Variants in GRIP2 observed in about 807,000 individuals in gnomAD.
GRIP2 encodes the protein glutamate receptor-interacting protein 2.
GRIP2 carries 58 observed loss-of-function variants against 108.3 expected under a neutral mutation model. That is an observed-to-expected ratio of 0.54 (90% CI 0.43 to 0.67). The LOEUF (loss-of-function observed/expected upper bound fraction) is 0.67. Ranked by LOEUF, GRIP2 falls within the 30% of genes least tolerant of loss-of-function variation. GRIP2 has a pLI of 0.00. For synonymous variants in GRIP2, 586 were observed against 598.2 expected (o/e 0.98, Z 0.30); for missense variants, 1,278 against 1,430.6 (o/e 0.89, Z 1.72).
chr3:14,495,640 C>T (rs902450422), intron 22 of GRIP2, among the ~76,000 whole-genome samples: 4 of 152,038 alleles, frequency 2.6e-5, no homozygotes, highest in Admixed American at 6.6e-5. Flanking sequence ...CTCTTGACCT[C>T]GTGATCCACC....
At chr3:14,574,372 C>G in the GRIP2 span, 1 of 928,790 alleles carries the variant, frequency 1.1e-6, no homozygotes. Context: ...CGCCGCGGCC[C>G]CGCGGTGCTC....
At chr3:14,513,568 G>T (rs1694159583) in intron 13 of GRIP2, 97 bp downstream of exon 13, 1 of 1,430,434 alleles carries the variant, frequency 7.0e-7, no homozygotes, top group Non-Finnish European at 9.4e-7. Flanking sequence ...GGCACAGAGG[G>T]GGATGGGGTG....
At position 14,496,571 on chromosome 3, in the gene GRIP2, C is replaced by T; in HGVS notation, c.2680-11G>A. ...CGTCATGATGGATGCCTGCAAGGAACACGGCCTTTCTTTCAGATGCTTGTT... is the reference window on the plus strand; with the variant it reads ...CGTCATGATGGATGCCTGCAAGGAATACGGCCTTTCTTTCAGATGCTTGTT... On this transcript the variant is annotated splice_polypyrimidine_tract_variant and intron_variant, in intron 21 of 23. Coordinates refer to ENST00000621039, the MANE Select transcript of GRIP2 (RefSeq NM_001080423.4). 1.4e-5 allele frequency: 22 copies of T among 1,589,514 alleles called. No homozygotes were observed. The highest frequency in any genetic ancestry group is 1.6e-5 in the Non-Finnish European group (19 of 1,163,084).
At chr3:14,573,644 G>T in the GRIP2 span, 2 of 1,501,608 alleles carry the variant, frequency 1.3e-6, no homozygotes, top group Non-Finnish European at 1.8e-6. Flanking sequence ...TGATGACACA[G>T]TCCATGTGGG....
At chr3:14,531,392 C>T (rs545755125) in intron 1 of GRIP2, among the ~76,000 whole-genome samples, 10 of 152,338 alleles carry the variant, frequency 6.6e-5, no homozygotes, top group Admixed American at 3.9e-4. Flanking sequence ...GAGTTTGAAG[C>T]TGGAAGCTTG....
At chr3:14,574,848 G>T in the GRIP2 span, 4 of 313,370 alleles carry the variant, frequency 1.3e-5, no homozygotes, top group African/African-American at 2.2e-5. Flanking sequence ...ACAACAAAAC[G>T]GATGAATATC....
chr3:14,506,938 C>T lies in GRIP2; in HGVS notation c.2261G>A (p.Ser754Asn). The T allele has an allele frequency of 6.2e-7, 1 of 1,608,018 alleles. No individual in the cohort carries two copies. The highest frequency in any genetic ancestry group is 8.5e-7 in the Non-Finnish European group (1 of 1,177,290). The change falls in exon 19 of 24, where the codon AGT becomes AAT. Residue 754 changes from serine (S) to asparagine (N), a missense_variant. Coordinates refer to ENST00000621039, the MANE Select transcript of GRIP2 (RefSeq NM_001080423.4). Reference protein sequence around the residue: ...PRKSGSLSETSDADEDPADAL... With the variant: ...PRKSGSLSETNDADEDPADAL... ...ATCTGCTGGGTCCTCATCAGCATCA[C>T]TGGTCTCACTGAGGCTGCCCGACTT...
chr3:14,583,885 G>T, the GRIP2 span, among the ~76,000 whole-genome samples: 5 of 152,090 alleles, frequency 3.3e-5, no homozygotes, highest in African/African-American at 1.2e-4. Context: ...GGCCACACCA[G>T]CAAAGCCCAA....
At chr3:14,520,608 T>C in intron 7 of GRIP2, 71 bp from the exon 8 acceptor site, 1 of 1,530,802 alleles carries the variant, frequency 6.5e-7, no homozygotes, top group Non-Finnish European at 9.0e-7. Flanking sequence ...CACCCTGCTA[T>C]CCTGATTTAA....
At chr3:14,517,240 G>A in intron 10 of GRIP2, 27 bp from the exon 11 acceptor site, 1 of 1,508,566 alleles carries the variant, frequency 6.6e-7, no homozygotes, top group Non-Finnish European at 8.9e-7. Flanking sequence ...ACAGCCCCGT[G>A]AACCCCAGCC....
Position 14,513,828 on chromosome 3 carries a change from G to T in GRIP2, c.1494-18C>A. ...GCCCACACCTGAACCCAGGGGGCCC[G>T]GCAGAGAGAAGAGGCTCCGTGACAG... is the stretch of plus-strand genomic sequence containing the variant. On this transcript the variant is annotated intron_variant, in intron 12 of 23. Coordinates refer to ENST00000621039, the MANE Select transcript of GRIP2 (RefSeq NM_001080423.4). The T allele has an allele frequency of 6.2e-7, 1 of 1,610,028 alleles. No individual in the cohort carries two copies.
At chr3:14,554,177 G>C (rs1216291356) in intron 1 of GRIP2, among the ~76,000 whole-genome samples, 1 of 152,188 alleles carries the variant, frequency 6.6e-6, no homozygotes, top group Non-Finnish European at 1.5e-5. Flanking sequence ...ACTTCAACAG[G>C]GGAGGAAACT....
the GRIP2 span, among the ~76,000 whole-genome samples, chr3:14,600,519 G>A: frequency 2.0e-5 from 3 of 152,196 alleles, no homozygotes; most frequent in Non-Finnish European, 4.4e-5. Context: ...ATTATACAAC[G>A]TGTAGGCAGA....
At chr3:14,495,729 T>C (rs987307167) in intron 22 of GRIP2, among the ~76,000 whole-genome samples, 4 of 152,144 alleles carry the variant, frequency 2.6e-5, no homozygotes, top group East Asian at 3.9e-4. Context: ...TAATGACCTA[T>C]AGATGGCACA....
chr3:14,563,261 G>T, the GRIP2 span, among the ~76,000 whole-genome samples: 1 of 151,992 alleles, frequency 6.6e-6, no homozygotes, highest in African/African-American at 2.4e-5. Context: ...TTTATCTGTG[G>T]AGATACAGAT....
chr3:14,516,735 G>T (rs1694259036), intron 11 of GRIP2, among the ~76,000 whole-genome samples: 1 of 152,120 alleles, frequency 6.6e-6, no homozygotes. Context: ...GGACTGAATG[G>T]CAAAAAATGT....
the GRIP2 span, among the ~76,000 whole-genome samples, chr3:14,589,696 C>CTA: frequency 7.2e-5 from 11 of 151,882 alleles, no homozygotes; most frequent in Admixed American, 3.9e-4. Context: ...AACTGTCAAA[C>CTA]TAACCTCCAC....
intron 10 of GRIP2, among the ~76,000 whole-genome samples, chr3:14,517,486 C>T (rs11713456): frequency 0.48 from 59,498 of 124,826 alleles, 14,238 homozygotes; most frequent in South Asian, 0.61. Flanking sequence ...GCCACCTAAT[C>T]TCTCTCTCTT....
At chr3:14,588,799 G>A in the GRIP2 span, among the ~76,000 whole-genome samples, 1 of 152,174 alleles carries the variant, frequency 6.6e-6, no homozygotes, top group Non-Finnish European at 1.5e-5. Context: ...GTTGAAAAGT[G>A]GTTGTTTGAA....
Sources: gnomAD v4.1 joint callset for allele counts (sites outside exome capture counted in the v4.1 genomes callset) on GRCh38, gnomAD v4.1.1 for gene constraint, MANE v1.5 for transcripts, NCBI Gene and HGNC (gene_info 2026-07-23, HGNC 2026-07-21) for gene names.